Variants in CLVS1 observed in about 807,000 individuals in gnomAD.
CLVS1 encodes the protein clavesin 1.
In CLVS1, 10 loss-of-function variants were observed where a neutral mutation model predicts 33.1. That is an observed-to-expected ratio of 0.30 (90% CI 0.19 to 0.51). The LOEUF is 0.51. Among genes scored for constraint, CLVS1 ranks in the 20% least tolerant of loss-of-function variants. CLVS1 has a pLI of 0.97. For synonymous variants in CLVS1, 163 were observed against 166.1 expected, an observed-to-expected ratio of 0.98 and a Z score of 0.14; for missense variants, 343 against 433.4, an observed-to-expected ratio of 0.79 and a Z score of 1.85.
chr8:61,125,439 A>AT (rs1805951821), intron 1 of CLVS1, among the ~76,000 whole-genome samples: 1 of 152,198 alleles, frequency 6.6e-6, no homozygotes, highest in South Asian at 2.1e-4. Flanking sequence ...AACTAAAAAA[A>AT]GACATAAGTT....
chr8:61,132,334 G>C lies in CLVS1; in HGVS notation c.-152+474G>C, dbSNP rs536444390. Among the ~76,000 whole-genome samples the C allele has an allele frequency of 2.0e-3, 306 of 152,352 alleles. 1 individual carries two copies. Among genetic ancestry groups the C allele is most frequent in the Middle Eastern group, 3.4e-3 (1 of 294 alleles). On this transcript the variant is annotated intron_variant, in intron 2 of 2. Transcript: ENST00000522621. ...TGCGGCAGGGGAATCCTGGAGATGA[G>C]GGGGCACAGGAGCTGTGCATGCCAG...
At position 61,299,863 on chromosome 8, in the gene CLVS1, GTTAAACAC is replaced by G. The variant is rs751609341; in HGVS notation, c.39_46del (p.Asn14GlufsTer28). On this transcript the variant is annotated frameshift_variant, in exon 2 of 6. Coordinates refer to ENST00000325897, the MANE Select transcript of CLVS1 (RefSeq NM_173519.3). LOFTEE classifies it high-confidence loss of function. ...TCTCTCTTCTTCCAAAATATCAGAA[GTTAAACAC>G]TTGGAACGGAGATTTGGCCAAGATG... The G allele has an allele frequency of 2.5e-6, 4 of 1,613,042 alleles. No homozygotes were observed. Among genetic ancestry groups the G allele is most frequent in the Non-Finnish European group, 3.4e-6 (4 of 1,179,462 alleles).
the CLVS1 span, among the ~76,000 whole-genome samples, chr8:61,025,572 C>T: frequency 1.3e-5 from 2 of 152,176 alleles, no homozygotes; most frequent in African/African-American, 4.8e-5. Flanking sequence ...TGTTGAAGTT[C>T]GAGGTGAAAT....
intron 5 of CLVS1, among the ~76,000 whole-genome samples, chr8:61,476,261 G>C (rs1373330679): frequency 1.3e-5 from 2 of 152,190 alleles, no homozygotes; most frequent in Non-Finnish European, 2.9e-5. Context: ...TTTGGCTTAG[G>C]ATTGACTTGG....
chr8:61,091,387 A>C (rs1307899184), intron 1 of CLVS1, among the ~76,000 whole-genome samples: 3 of 152,250 alleles, frequency 2.0e-5, no homozygotes, highest in African/African-American at 7.2e-5. Context: ...TGTTGTTTTA[A>C]AACACTAAGT....
chr8:61,316,240 A>G (rs377303392), intron 2 of CLVS1, among the ~76,000 whole-genome samples: 15 of 152,212 alleles, frequency 9.9e-5, no homozygotes, highest in African/African-American at 3.4e-4. Context: ...ATTAGCAAAA[A>G]CTTGGAACCA....
chr8:61,157,221 T>G (rs1806667987), intron 2 of CLVS1, among the ~76,000 whole-genome samples: 1 of 152,072 alleles, frequency 6.6e-6, no homozygotes, highest in Non-Finnish European at 1.5e-5. Context: ...ATAAAACACA[T>G]AAAAGTAAGG....
the CLVS1 span, among the ~76,000 whole-genome samples, chr8:61,033,049 AAGAAAGAAAGAT>A: frequency 3.3e-4 from 30 of 90,004 alleles, no homozygotes; most frequent in East Asian, 9.4e-4. Context: ...AAGAAAGAAA[AAGAAAGAAAGAT>A]AGAAAGAAAG....
At chr8:61,052,838 C>T (rs1804409033), upstream of CLVS1, among the ~76,000 whole-genome samples, 1 of 152,090 alleles carries the variant, frequency 6.6e-6, no homozygotes. Flanking sequence ...TCATTCAGAC[C>T]GTTGACATGA....
the CLVS1 span, among the ~76,000 whole-genome samples, chr8:60,996,827 A>G: frequency 2.0e-5 from 3 of 151,922 alleles, no homozygotes. Flanking sequence ...GCAACCTCTG[A>G]CTCTCCAAGG....
intron 2 of CLVS1, among the ~76,000 whole-genome samples, chr8:61,280,193 C>T (rs192743859): frequency 6.6e-6 from 1 of 152,080 alleles, no homozygotes. Context: ...TCTGCTGAAT[C>T]CATTAAAAAT....
intron 2 of CLVS1, among the ~76,000 whole-genome samples, chr8:61,349,218 T>G (rs1812349308): frequency 2.0e-5 from 3 of 151,430 alleles, no homozygotes. Context: ...CTTTTTAGTT[T>G]GAGATAATAG....
At chr8:61,354,506 T>C (rs1358633106) in intron 2 of CLVS1, among the ~76,000 whole-genome samples, 1 of 152,068 alleles carries the variant, frequency 6.6e-6, no homozygotes, top group Non-Finnish European at 1.5e-5. Flanking sequence ...TAAAAACCTA[T>C]ATTCACAAAA....
At chr8:61,343,051 C>T (rs1384438202) in intron 2 of CLVS1, among the ~76,000 whole-genome samples, 3 of 152,112 alleles carry the variant, frequency 2.0e-5, no homozygotes, top group Non-Finnish European at 2.9e-5. Context: ...TCTCTACACT[C>T]GATGGAGACT....
intron 2 of CLVS1, among the ~76,000 whole-genome samples, chr8:61,157,023 T>C (rs1806664020): frequency 6.6e-6 from 1 of 152,208 alleles, no homozygotes; most frequent in Admixed American, 6.5e-5. Flanking sequence ...GAATTTTGAC[T>C]TCACACTTCA....
the CLVS1 span, among the ~76,000 whole-genome samples, chr8:60,992,485 C>T: frequency 6.6e-5 from 10 of 152,136 alleles, no homozygotes; most frequent in South Asian, 2.1e-4. Context: ...GTGGATGAGA[C>T]GTAAACAAGA....
chr8:61,428,366 A>T (rs1289724891), intron 3 of CLVS1, among the ~76,000 whole-genome samples: 1 of 152,212 alleles, frequency 6.6e-6, no homozygotes, highest in Non-Finnish European at 1.5e-5. Flanking sequence ...GAAAGGAGAG[A>T]AAGAGCAAAA....
chr8:61,402,016 G>A lies in CLVS1; in HGVS notation c.630+25237G>A, dbSNP rs1585919216. On this transcript the variant is annotated intron_variant, in intron 3 of 5. Transcript: ENST00000325897. ...AGTAGAGTAAATTTCTTATAGGCAA[G>A]GGCCTATAAGAAATCTTAGGTATCT... Among the ~76,000 whole-genome samples, 7 of 152,176 alleles carry A rather than the reference G, an allele frequency of 4.6e-5. 1 individual carries two copies. In the South Asian group the frequency reaches 1.5e-3, roughly 32 times the overall value.
intron 4 of CLVS1, among the ~76,000 whole-genome samples, chr8:61,456,333 C>T (rs111684745): frequency 7.0e-4 from 106 of 152,230 alleles, no homozygotes; most frequent in African/African-American, 2.3e-3. Context: ...GCTGATATTT[C>T]GCTCCAGCAT....
Sources: allele counts gnomAD v4.1 joint callset (sites outside exome capture counted in the v4.1 genomes callset), GRCh38; gene constraint gnomAD v4.1.1; transcripts MANE v1.5; gene names NCBI Gene and HGNC (gene_info 2026-07-23, HGNC 2026-07-21).